BCO1: variants seen among roughly 807,000 people sequenced by gnomAD.
The protein encoded by BCO1 is beta,beta-carotene 15,15'-dioxygenase.
In BCO1, 54 loss-of-function variants were observed where a neutral mutation model predicts 56.3. The observed-to-expected ratio is 0.96, with a 90% CI of 0.77 to 1.20. The LOEUF (loss-of-function observed/expected upper bound fraction) is 1.20. BCO1 is among the 50% of genes most tolerant of loss of function. BCO1 has a pLI of 0.00. For missense variants in BCO1, 801 were observed against 690.9 expected, an observed-to-expected ratio of 1.16 and a Z score of -1.79; for synonymous variants, 318 against 266.1, an observed-to-expected ratio of 1.20 and a Z score of -1.90.
At chr16:81,252,238 G>C (rs1482012107) in intron 2 of BCO1, among the ~76,000 whole-genome samples, 1 of 151,384 alleles carries the variant, frequency 6.6e-6, no homozygotes, top group African/African-American at 2.4e-5. Context: ...TGTGTGTGTG[G>C]GTGTGTGTTT....
chr16:81,258,743 T>C (rs1259342721), intron 2 of BCO1, among the ~76,000 whole-genome samples: 1 of 152,228 alleles, frequency 6.6e-6, no homozygotes, highest in Non-Finnish European at 1.5e-5. Context: ...TATTTTGCAT[T>C]ATCACATTTT....
At chr16:81,287,757 G>T (rs960986938) in intron 10 of BCO1, among the ~76,000 whole-genome samples, 1 of 152,166 alleles carries the variant, frequency 6.6e-6, no homozygotes, top group African/African-American at 2.4e-5. Context: ...ACAGAGCCCA[G>T]CAGGGACCAG....
intron 5 of BCO1, among the ~76,000 whole-genome samples, chr16:81,265,801 G>A (rs62639738): frequency 2.1e-5 from 2 of 94,086 alleles, no homozygotes; most frequent in Admixed American, 1.1e-4. Flanking sequence ...CATCCATTGA[G>A]CCACCCACCT....
chr16:81,283,556 T>C (rs1358196040), intron 8 of BCO1, among the ~76,000 whole-genome samples: 1 of 152,110 alleles, frequency 6.6e-6, no homozygotes, highest in Non-Finnish European at 1.5e-5. Flanking sequence ...GTCTCAGGCC[T>C]ACTTTGAGGT....
intron 2 of BCO1, among the ~76,000 whole-genome samples, chr16:81,250,614 T>C (rs1229459661): frequency 7.5e-6 from 1 of 132,654 alleles, no homozygotes; most frequent in East Asian, 2.2e-4. Flanking sequence ...GGAGTCTCAC[T>C]GTGTTGCCCA....
chr16:81,246,256 C>G (rs1241591025), intron 2 of BCO1, among the ~76,000 whole-genome samples: 2 of 152,060 alleles, frequency 1.3e-5, no homozygotes, highest in Non-Finnish European at 2.9e-5. Flanking sequence ...CTTGTGATTA[C>G]ATTGAATCCA....
intron 9 of BCO1, among the ~76,000 whole-genome samples, chr16:81,286,997 C>T (rs1433570401): frequency 6.6e-6 from 1 of 152,112 alleles, no homozygotes; most frequent in Non-Finnish European, 1.5e-5. Context: ...ATCACTTGAA[C>T]CCGGGAGGCC....
At chr16:81,265,767 C>T (rs938006661) in intron 5 of BCO1, among the ~76,000 whole-genome samples, 4 of 122,366 alleles carry the variant, frequency 3.3e-5, no homozygotes, top group African/African-American at 1.3e-4. Flanking sequence ...TGCCATCCAT[C>T]CACTCATCCA....
At chr16:81,280,514 C>G (rs762575504) in intron 7 of BCO1, among the ~76,000 whole-genome samples, 1 of 152,040 alleles carries the variant, frequency 6.6e-6, no homozygotes, top group African/African-American at 2.4e-5. Flanking sequence ...ACGACTGATG[C>G]AGCTTTTTAT....
chr16:81,260,803 C>G (rs575122662), intron 3 of BCO1, among the ~76,000 whole-genome samples: 1 of 152,322 alleles, frequency 6.6e-6, no homozygotes, highest in Admixed American at 6.5e-5. Context: ...GCCACTGCGC[C>G]TGGCCACTGT....
intron 7 of BCO1, among the ~76,000 whole-genome samples, chr16:81,270,772 T>A (rs1260855564): frequency 6.6e-6 from 1 of 151,618 alleles, no homozygotes; most frequent in Non-Finnish European, 1.5e-5. Context: ...TGAGACGTAG[T>A]CTCGCTCTGT....
At position 81,290,573 on chromosome 16, in the gene BCO1, C is replaced by A; in HGVS notation, c.1640C>A (p.Thr547Asn). The A allele has an allele frequency of 1.2e-6, 2 of 1,612,588 alleles. No individual in the cohort carries two copies. Among genetic ancestry groups the A allele is most frequent in the Non-Finnish European group, 8.5e-7 (1 of 1,179,786 alleles). ...RASDCHGAPL[T>N] ...TCCGACTGCCACGGGGCTCCTCTGA[C>A]CTGATGGTGTTGGGGTTTGGGTAGG... Residue 547 changes from threonine to asparagine, a missense_variant, in exon 11 of 11, where the codon ACC becomes AAC. By Grantham distance (65) the Thr-to-Asn change is moderately conservative. Transcript: ENST00000258168.
intron 2 of BCO1, among the ~76,000 whole-genome samples, chr16:81,258,634 C>T (rs994096778): frequency 2.0e-5 from 3 of 152,204 alleles, no homozygotes; most frequent in African/African-American, 7.2e-5. Flanking sequence ...GGTCAGCACT[C>T]TCAGATGGGT....
chr16:81,278,050 A>AT (rs969566488), intron 7 of BCO1, among the ~76,000 whole-genome samples: 77 of 150,660 alleles, frequency 5.1e-4, no homozygotes, highest in South Asian at 1.1e-3. Flanking sequence ...ATTTTATTTT[A>AT]TTTTTTTTTG....
At chr16:81,249,756 T>A (rs1905672473) in intron 2 of BCO1, among the ~76,000 whole-genome samples, 1 of 152,192 alleles carries the variant, frequency 6.6e-6, no homozygotes, top group South Asian at 2.1e-4. Flanking sequence ...ACCCAGGAAT[T>A]ACACCCAATG....
chr16:81,243,309 G>C (rs1417155045), intron 1 of BCO1, among the ~76,000 whole-genome samples: 1 of 152,098 alleles, frequency 6.6e-6, no homozygotes, highest in Non-Finnish European at 1.5e-5. Context: ...CCATTCTTCT[G>C]AGGATTAGAT....
intron 2 of BCO1, among the ~76,000 whole-genome samples, chr16:81,258,504 C>T (rs1375905076): frequency 6.6e-6 from 1 of 152,200 alleles, no homozygotes; most frequent in Non-Finnish European, 1.5e-5. Flanking sequence ...AGGCAGCGCT[C>T]CCAGGACTGA....
intron 7 of BCO1, among the ~76,000 whole-genome samples, chr16:81,280,653 G>C (rs542309635): frequency 6.6e-6 from 1 of 152,270 alleles, no homozygotes; most frequent in East Asian, 1.9e-4. Flanking sequence ...TGTGACCTTG[G>C]AGGAGTCACC....
At chr16:81,245,715 C>A in intron 2 of BCO1, 112 bp downstream of exon 2, 1 of 1,386,998 alleles carries the variant, frequency 7.2e-7, no homozygotes, top group South Asian at 1.2e-5. Flanking sequence ...AAGTCTAAAT[C>A]GGGTCTCACT....
Sources: allele counts gnomAD v4.1 joint callset (sites outside exome capture counted in the v4.1 genomes callset), GRCh38; gene constraint gnomAD v4.1.1; transcripts MANE v1.5; gene names NCBI Gene and HGNC (gene_info 2026-07-23, HGNC 2026-07-21).